RGS6: variants seen among roughly 807,000 people sequenced by gnomAD.
The protein encoded by RGS6 is regulator of G-protein signaling 6.
A neutral mutation model predicts 78.5 loss-of-function variants in RGS6; 30 were observed. The observed-to-expected ratio is 0.38, with a 90% confidence interval of 0.29 to 0.52. RGS6 has a LOEUF of 0.52. Ranked by LOEUF, RGS6 falls within the 20% of genes least tolerant of loss-of-function variation. RGS6 has a pLI of 0.85. For missense variants in RGS6, 495 were observed against 609.7 expected (o/e 0.81, Z 1.98); for synonymous variants, 206 against 206.0 (o/e 1.00, Z 0.00).
chr14:72,492,649 G>A (rs1405008958), intron 12 of RGS6, among the ~76,000 whole-genome samples: 1 of 152,142 alleles, frequency 6.6e-6, no homozygotes, highest in African/African-American at 2.4e-5. Context: ...AAAGTACTCA[G>A]CATGCCAACA....
intron 1 of RGS6, among the ~76,000 whole-genome samples, chr14:71,956,229 G>T (rs1188725737): frequency 6.6e-6 from 1 of 151,978 alleles, no homozygotes; most frequent in Non-Finnish European, 1.5e-5. Flanking sequence ...TGGGAGCTTG[G>T]GGTTGGTGGA....
At chr14:72,040,573 T>G (rs1318966952) in intron 2 of RGS6, among the ~76,000 whole-genome samples, 3 of 152,172 alleles carry the variant, frequency 2.0e-5, no homozygotes, top group African/African-American at 7.2e-5. Context: ...ACAGTTTGAT[T>G]ATAATGTGCC....
intron 2 of RGS6, among the ~76,000 whole-genome samples, chr14:72,147,253 T>G (rs1424294050): frequency 6.6e-6 from 1 of 152,224 alleles, no homozygotes; most frequent in Non-Finnish European, 1.5e-5. Flanking sequence ...TTCCAAAGCT[T>G]CTTCCGTGTT....
chr14:72,069,801 A>C (rs1277471946), intron 2 of RGS6, among the ~76,000 whole-genome samples: 2 of 152,334 alleles, frequency 1.3e-5, no homozygotes, highest in African/African-American at 4.8e-5. Flanking sequence ...TGGCCTCCCA[A>C]AGTGCTGGGA....
At chr14:72,186,366 C>A (rs867020401) in intron 2 of RGS6, among the ~76,000 whole-genome samples, 62 of 152,362 alleles carry the variant, frequency 4.1e-4, no homozygotes, top group African/African-American at 1.4e-3. Flanking sequence ...AGCACCTTAA[C>A]AGGAGCCTGC....
At chr14:72,409,868 C>A (rs1374282736) in intron 3 of RGS6, among the ~76,000 whole-genome samples, 1 of 152,198 alleles carries the variant, frequency 6.6e-6, no homozygotes, top group African/African-American at 2.4e-5. Flanking sequence ...CCAGCTTCAT[C>A]CATGTCCCTA....
chr14:72,385,799 G>T (rs990194415), intron 3 of RGS6, among the ~76,000 whole-genome samples: 3 of 152,120 alleles, frequency 2.0e-5, no homozygotes, highest in African/African-American at 7.2e-5. Flanking sequence ...AGTTGCTATG[G>T]GGCAAGTGGG....
At chr14:72,020,072 T>G (rs2088044125) in intron 2 of RGS6, among the ~76,000 whole-genome samples, 1 of 152,220 alleles carries the variant, frequency 6.6e-6, no homozygotes, top group Non-Finnish European at 1.5e-5. Context: ...GAAGTTATAT[T>G]AATGACTTTG....
At chr14:72,185,568 G>A (rs1205857902) in intron 2 of RGS6, among the ~76,000 whole-genome samples, 2 of 152,184 alleles carry the variant, frequency 1.3e-5, no homozygotes, top group African/African-American at 4.8e-5. Context: ...TGGTTAACTA[G>A]TGTAGAGTGT....
At chr14:71,991,440 C>T (rs969335989) in intron 2 of RGS6, among the ~76,000 whole-genome samples, 1 of 152,160 alleles carries the variant, frequency 6.6e-6, no homozygotes, top group Non-Finnish European at 1.5e-5. Flanking sequence ...AATACCTTTC[C>T]GTTCTGTTTT....
chr14:72,073,050 T>C (rs899909657), intron 2 of RGS6, among the ~76,000 whole-genome samples: 5 of 152,234 alleles, frequency 3.3e-5, no homozygotes, highest in Admixed American at 3.3e-4. Flanking sequence ...ATTATGTGCG[T>C]GCCACATTCA....
At chr14:72,063,142 A>G (rs2153439201) in intron 2 of RGS6, among the ~76,000 whole-genome samples, 1 of 152,254 alleles carries the variant, frequency 6.6e-6, no homozygotes, top group Non-Finnish European at 1.5e-5. Flanking sequence ...TTCTTGAGGA[A>G]AGGAGGGTAC....
intron 2 of RGS6, among the ~76,000 whole-genome samples, chr14:72,282,765 T>C (rs2061798203): frequency 6.6e-6 from 1 of 152,216 alleles, no homozygotes; most frequent in South Asian, 2.1e-4. Flanking sequence ...TGTTTTTGTT[T>C]GTTTGTGTGG....
intron 2 of RGS6, among the ~76,000 whole-genome samples, chr14:72,266,959 T>TTTA (rs1371444331): frequency 6.6e-6 from 1 of 152,096 alleles, no homozygotes; most frequent in Non-Finnish European, 1.5e-5. Flanking sequence ...ACCACCTGTG[T>TTTA]TTATACTACC....
chr14:71,900,927 A>C, the RGS6 span, among the ~76,000 whole-genome samples: 1 of 152,084 alleles, frequency 6.6e-6, no homozygotes, highest in Non-Finnish European at 1.5e-5. Flanking sequence ...CAAGAGAGGA[A>C]AGGAGAGATC....
At chr14:72,431,554 ATTTTAT>A (rs780001719) in intron 3 of RGS6, among the ~76,000 whole-genome samples, 65 of 151,240 alleles carry the variant, frequency 4.3e-4, no homozygotes, top group Non-Finnish European at 7.8e-4. Context: ...ATTTTATTTT[ATTTTAT>A]TTTAGTAGAC....
intron 2 of RGS6, among the ~76,000 whole-genome samples, chr14:72,075,710 C>G (rs2094549607): frequency 6.6e-6 from 1 of 152,134 alleles, no homozygotes; most frequent in Non-Finnish European, 1.5e-5. Context: ...GATGTTCTCT[C>G]TCTATATTCA....
At chr14:72,300,757 G>A (rs1185266807) in intron 2 of RGS6, among the ~76,000 whole-genome samples, 5 of 152,162 alleles carry the variant, frequency 3.3e-5, no homozygotes, top group Non-Finnish European at 7.3e-5. Flanking sequence ...GCATCTTGGC[G>A]GTGGTCAGTA....
intron 2 of RGS6, among the ~76,000 whole-genome samples, chr14:72,042,129 C>CTTTTTTTTTTTTTTTTTTTTTTTTTTT (rs202194668): frequency 7.4e-6 from 1 of 134,540 alleles, no homozygotes; most frequent in Non-Finnish European, 1.6e-5. Flanking sequence ...TTTTCTTTTT[C>CTTTTTTTTTTTTTTTTTTTTTTTTTTT]TTTTTTTTTT....
Sources: gnomAD v4.1 joint callset for allele counts (sites outside exome capture counted in the v4.1 genomes callset) on GRCh38, gnomAD v4.1.1 for gene constraint, MANE v1.5 for transcripts, NCBI Gene and HGNC (gene_info 2026-07-23, HGNC 2026-07-21) for gene names.